The following SEPTIN14 variants were observed in gnomAD, a reference collection of about 807,000 sequenced individuals.
SEPTIN14 encodes septin-14.
SEPTIN14 carries 40 observed loss-of-function variants against 53.6 expected under a neutral mutation model. The ratio of observed to expected loss-of-function variants is 0.75; its 90% confidence interval spans 0.58 to 0.97. The LOEUF (loss-of-function observed/expected upper bound fraction) is 0.97, where lower values mean the gene tolerates loss of function less well. Ranked by LOEUF, SEPTIN14 falls within the 50% of genes least tolerant of loss-of-function variation. SEPTIN14 has a pLI of 0.00. For synonymous variants in SEPTIN14, 138 were observed against 166.8 expected (o/e 0.83, Z 1.33); for missense variants, 471 against 508.2 (o/e 0.93, Z 0.70).
intron 7 of SEPTIN14, chr7:55,810,965 C>T (rs1428978012): frequency 2.4e-6 from 1 of 417,950 alleles, no homozygotes; most frequent in Non-Finnish European, 4.6e-6. Context: ...CTTGTACAGA[C>T]TGAGTTCTGT....
At chr7:55,845,188 A>G (rs1330770202) in intron 3 of SEPTIN14, among the ~76,000 whole-genome samples, 1 of 152,190 alleles carries the variant, frequency 6.6e-6, no homozygotes. Context: ...CAGCCATAAA[A>G]AAGAAGGAGA....
intron 9 of SEPTIN14, among the ~76,000 whole-genome samples, chr7:55,804,134 T>TAAAAAA (rs35467838): frequency 6.4e-5 from 3 of 47,056 alleles, no homozygotes; most frequent in African/African-American, 2.4e-4. Flanking sequence ...AGACTCTGTC[T>TAAAAAA]AAAAAAAAAA....
At chr7:55,829,821 A>AG (rs1789063859) in intron 6 of SEPTIN14, among the ~76,000 whole-genome samples, 1 of 34,140 alleles carries the variant, frequency 2.9e-5, no homozygotes, top group Non-Finnish European at 6.1e-5. Flanking sequence ...ACTCCATCTC[A>AG]AAAAAAAAAA....
rs182855544 is a variant in SEPTIN14, at chr7:55,847,999, C to T, written c.55-1362G>A. Among the ~76,000 whole-genome samples the T allele has an allele frequency of 2.7e-3, 407 of 152,230 alleles. 2 individuals carry two copies. The highest frequency in any genetic ancestry group is 4.8e-3 in the Non-Finnish European group (326 of 68,000). ...TGACAGCTCAGCATACTTCACAGTT[C>T]TTAACACTATTTTATGAGGAATACA... On this transcript the variant is annotated intron_variant, in intron 2 of 9. Coordinates refer to ENST00000388975, the MANE Select transcript of SEPTIN14 (RefSeq NM_207366.3).
At chr7:55,811,084 T>G in intron 7 of SEPTIN14, 1 of 453,866 alleles carries the variant, frequency 2.2e-6, no homozygotes. Flanking sequence ...ACCTTTCGTG[T>G]TTCAGCAGAT....
At chr7:55,810,475 C>CTT (rs145847718) in intron 7 of SEPTIN14, among the ~76,000 whole-genome samples, 1,262 of 124,846 alleles carry the variant, frequency 0.01, 37 homozygotes, top group African/African-American at 0.025. Flanking sequence ...TTTTGAAGTT[C>CTT]TTTTTTTTTT....
rs113009856 is a variant in SEPTIN14, at chr7:55,821,648, C to T, written c.721-2425G>A. Among the ~76,000 whole-genome samples, 32 of 152,086 alleles carry T rather than the reference C, an allele frequency of 2.1e-4. 1 individual carries two copies. Among genetic ancestry groups the T allele is most frequent in the African/African-American group, 7.7e-4 (32 of 41,430 alleles). ...ATCAAATACAGAGTCCAGGGTTAAT[C>T]CCTCCTTACCTATTCTTCTGTTGAT... On this transcript the variant is annotated intron_variant, in intron 6 of 9. Transcript: ENST00000388975.
intron 2 of SEPTIN14, among the ~76,000 whole-genome samples, chr7:55,849,167 A>G (rs2116063452): frequency 6.6e-6 from 1 of 151,620 alleles, no homozygotes; most frequent in Admixed American, 6.6e-5. Flanking sequence ...TCTACTAAAT[A>G]TACAAAAATG....
intron 6 of SEPTIN14, among the ~76,000 whole-genome samples, chr7:55,830,416 C>T (rs1405622043): frequency 2.1e-5 from 3 of 140,584 alleles, no homozygotes; most frequent in Middle Eastern, 4.1e-3. Context: ...GCGCGATCTC[C>T]GCTCACTGCA....
intron 4 of SEPTIN14, among the ~76,000 whole-genome samples, chr7:55,843,351 A>G (rs975005377): frequency 6.6e-6 from 1 of 152,210 alleles, no homozygotes; most frequent in African/African-American, 2.4e-5. Context: ...AGCTGGGTGC[A>G]TCCGACAGGG....
At chr7:55,847,426 C>T (rs1789434301) in intron 2 of SEPTIN14, among the ~76,000 whole-genome samples, 1 of 152,120 alleles carries the variant, frequency 6.6e-6, no homozygotes, top group African/African-American at 2.4e-5. Context: ...CAAGAAACCC[C>T]TCCTAAATTG....
intron 3 of SEPTIN14, 116 bp downstream of exon 3, chr7:55,846,401 T>G: frequency 1.4e-6 from 1 of 723,190 alleles, no homozygotes; most frequent in Non-Finnish European, 2.2e-6. Flanking sequence ...TGAGAATCAC[T>G]GTAAACATGA....
chr7:55,846,377 T>C, intron 3 of SEPTIN14, 140 bp downstream of exon 3: 2 of 625,896 alleles, frequency 3.2e-6, no homozygotes, highest in East Asian at 6.0e-5. Flanking sequence ...AAGGATTACA[T>C]AATATGGCTA....
chr7:55,825,448 C>T (rs1482306208), intron 6 of SEPTIN14, among the ~76,000 whole-genome samples: 1 of 152,118 alleles, frequency 6.6e-6, no homozygotes, highest in Non-Finnish European at 1.5e-5. Flanking sequence ...TTTGTTGAAA[C>T]CCATACAATG....
chr7:55,822,358 C>A (rs1788910682), intron 6 of SEPTIN14, among the ~76,000 whole-genome samples: 1 of 152,128 alleles, frequency 6.6e-6, no homozygotes, highest in Admixed American at 6.6e-5. Context: ...CACCACAACC[C>A]CAATCAAAAT....
chr7:55,797,832 T>C (rs1010724641), intron 9 of SEPTIN14: 1 of 152,420 alleles, frequency 6.6e-6, no homozygotes, highest in Non-Finnish European at 1.5e-5. Flanking sequence ...TAGCCAGGTG[T>C]GGTGGCAGCT....
At chr7:55,837,637 G>C (rs1344081702) in intron 5 of SEPTIN14, among the ~76,000 whole-genome samples, 1 of 151,824 alleles carries the variant, frequency 6.6e-6, no homozygotes, top group African/African-American at 2.4e-5. Context: ...AGGCTGAAGT[G>C]CAATGGCGTG....
intron 6 of SEPTIN14, among the ~76,000 whole-genome samples, chr7:55,828,398 G>C (rs985976944): frequency 1.3e-5 from 2 of 148,654 alleles, no homozygotes; most frequent in Non-Finnish European, 3.0e-5. Flanking sequence ...TCCACCTCCC[G>C]GGTTCACACC....
chr7:55,858,894 T>A (rs1262474912), intron 2 of SEPTIN14, among the ~76,000 whole-genome samples: 1 of 152,144 alleles, frequency 6.6e-6, no homozygotes, highest in Admixed American at 6.5e-5. Flanking sequence ...CACAAACCTC[T>A]GTACTAAAGG....
Sources: allele counts gnomAD v4.1 joint callset (sites outside exome capture counted in the v4.1 genomes callset), GRCh38; gene constraint gnomAD v4.1.1; transcripts MANE v1.5; gene names NCBI Gene and HGNC (gene_info 2026-07-23, HGNC 2026-07-21).